SPATA20: variants seen among roughly 807,000 people sequenced by gnomAD.
SPATA20 encodes the protein spermatogenesis-associated protein 20.
Under a neutral mutation model 98.9 loss-of-function variants are expected in SPATA20, and 74 were observed. The ratio of observed to expected loss-of-function variants is 0.75; its 90% CI spans 0.62 to 0.91. SPATA20 has a LOEUF of 0.91. SPATA20 is among the 40% of genes least tolerant of loss of function. The pLI, the probability that SPATA20 is intolerant of heterozygous loss-of-function variation, is 0.00. For synonymous variants in SPATA20, 430 were observed against 440.5 expected (o/e 0.98, Z 0.30); for missense variants, 1,016 against 1,069.8 (o/e 0.95, Z 0.70).
rs1187881765 is a variant in SPATA20 at position 50,548,813 on chromosome 17, G to A, written c.365G>A (p.Gly122Glu). Residue 122 changes from glycine (G) to glutamate (E), a missense_variant, in exon 5 of 17, where the codon GGG (glycine) becomes GAG (glutamate). Gly to Glu is a moderately conservative substitution (Grantham distance 98). Transcript: ENST00000006658. ...CTCTCCCCATGGCCCTGTTCAGTCG[G>A]GTACTCCACCTGCCACTGGTGCCAC... is the stretch of plus-strand genomic sequence containing the variant. ...KENKPIFLSV[G>E]YSTCHWCHMM... 1.3e-5 allele frequency: 21 copies of A among 1,612,184 alleles called. No individual in the cohort carries two copies. Among genetic ancestry groups the A allele is most frequent in the Non-Finnish European group, 1.6e-5 (19 of 1,179,104 alleles).
chr17:50,547,807 CTGTT>C, intron 2 of SPATA20, 40 bp downstream of exon 2: 1 of 816,172 alleles, frequency 1.2e-6, no homozygotes, highest in South Asian at 1.3e-5. Flanking sequence ...CTGGTTTCCT[CTGTT>C]TGTCCCTCAC....
At chr17:50,554,962 G>A (rs1348216052) in intron 15 of SPATA20, among the ~76,000 whole-genome samples, 1 of 151,604 alleles carries the variant, frequency 6.6e-6, no homozygotes, top group Admixed American at 6.6e-5. Flanking sequence ...GGGTCTCTGT[G>A]TGCTCTGGGT....
intron 4 of SPATA20, 22 bp from the exon 5 acceptor site, chr17:50,548,788 C>G: frequency 6.2e-7 from 1 of 1,604,316 alleles, no homozygotes; most frequent in Non-Finnish European, 8.5e-7. Context: ...GCCCCCTGAC[C>G]TCTCCCCATG....
At chr17:50,550,667 G>A in intron 10 of SPATA20, 41 bp from the exon 11 acceptor site, 1 of 1,612,552 alleles carries the variant, frequency 6.2e-7, no homozygotes, top group Non-Finnish European at 8.5e-7. Flanking sequence ...GGCCTCCACT[G>A]CCCTGTGGGC....
In SPATA20 at chr17:50,550,932, G is replaced by T. The variant is rs2035002822; in HGVS notation, c.1383+15G>T. 6.2e-7 allele frequency: 1 copy of T among 1,612,286 alleles called. No individual in the cohort carries two copies. Among genetic ancestry groups the T allele is most frequent in the Non-Finnish European group, 8.5e-7 (1 of 1,179,332 alleles). ...GCCCCAGTCAGGTGAGGACTTCTGG[G>T]GTCACCTGACGGGCCCTGGTGCCTG... On this transcript the variant is annotated intron_variant, in intron 11 of 16. Transcript: ENST00000006658.
chr17:50,551,421 A>T, intron 12 of SPATA20, 90 bp from the exon 13 acceptor site: 1 of 1,421,684 alleles, frequency 7.0e-7, no homozygotes. Flanking sequence ...CCATGGCTCC[A>T]GGGAGGTGTT....
chr17:50,547,486 C>CG (rs2034932228), intron 1 of SPATA20: 2 of 636,636 alleles, frequency 3.1e-6, no homozygotes, highest in Non-Finnish European at 5.7e-6. Context: ...GTCCTCATCC[C>CG]TTCCCTCCTC....
intron 2 of SPATA20, 34 bp downstream of exon 2, chr17:50,547,801 T>C: frequency 1.2e-6 from 1 of 808,080 alleles, no homozygotes; most frequent in Non-Finnish European, 2.3e-6. Flanking sequence ...CCATGTCTGG[T>C]TTCCTCTGTT....
At chr17:50,549,624 C>G (rs879434584) in intron 7 of SPATA20, 137 bp downstream of exon 7, 1 of 849,488 alleles carries the variant, frequency 1.2e-6, no homozygotes, top group Non-Finnish European at 1.8e-6. Context: ...CCTAGCCTGT[C>G]GGTAGCTATC....
rs1462419476 is a variant in SPATA20, at chr17:50,548,945, T to C, written c.497T>C (p.Val166Ala). 6.2e-7 allele frequency: 1 copy of C among 1,614,044 alleles called. No individual in the cohort carries two copies. Among genetic ancestry groups the C allele is most frequent in the East Asian group, 2.2e-5 (1 of 44,874 alleles). ...DREERPDVDK[V>A]YMTFVQATSS... ...GAGGAGCGGCCTGACGTGGACAAGG[T>C]GTACATGACGTTCGTGCAGGTGAGC... Residue 166 changes from valine (V) to alanine (A), a missense_variant, in exon 5 of 17, where the codon GTG becomes GCG. Transcript: ENST00000006658.
chr17:50,555,290 A>G lies in SPATA20; in HGVS notation c.2216A>G (p.His739Arg). 6.2e-7 allele frequency: 1 copy of G among 1,613,712 alleles called. No individual in the cohort carries two copies. The highest frequency in any genetic ancestry group is 2.2e-5 in the East Asian group (1 of 44,858). ...ACCAAGGCCCTGGTGCAGTGCGTCCACTCTGTCTACATTCCTAACAAGGTA... is the reference window on the plus strand; with the variant it reads ...ACCAAGGCCCTGGTGCAGTGCGTCCGCTCTGTCTACATTCCTAACAAGGTA... Reference protein sequence around the residue: ...KDTKALVQCVHSVYIPNKVLI... With the variant: ...KDTKALVQCVRSVYIPNKVLI... Residue 739 changes from histidine to arginine, a missense_variant, in exon 16 of 17, where the codon CAC (histidine) becomes CGC (arginine). By Grantham distance (29) the His-to-Arg change is conservative. Transcript: ENST00000006658.
At chr17:50,549,235 C>A (rs776249347) in intron 6 of SPATA20, 49 bp downstream of exon 6, 4 of 1,597,572 alleles carry the variant, frequency 2.5e-6, no homozygotes, top group Non-Finnish European at 3.4e-6. Flanking sequence ...GACTAGGAAA[C>A]AAGAGCCCCT....
At chr17:50,549,680 A>T (rs1224577093) in intron 7 of SPATA20, among the ~76,000 whole-genome samples, 193 bp downstream of exon 7, 2 of 152,120 alleles carry the variant, frequency 1.3e-5, no homozygotes, top group Admixed American at 1.3e-4. Flanking sequence ...TCTCACCTTA[A>T]CCTAGATGAT....
In SPATA20 at chr17:50,549,089, C is replaced by T. The variant is rs1357424054; in HGVS notation, c.563C>T (p.Pro188Leu). ...TGGCCCATGAATGTGTGGCTGACTCCCAACCTCCAGCCCTTTGTCGGGGGC... is the reference window on the plus strand; with the variant it reads ...TGGCCCATGAATGTGTGGCTGACTCTCAACCTCCAGCCCTTTGTCGGGGGC... Reference protein sequence around the residue: ...GGWPMNVWLTPNLQPFVGGTY... With the variant: ...GGWPMNVWLTLNLQPFVGGTY... Residue 188 changes from proline to leucine, a missense_variant, in exon 6 of 17, where the codon CCC becomes CTC. Physicochemically the swap from Pro to Leu is moderately conservative, Grantham distance 98. Transcript: ENST00000006658. 6.2e-6 allele frequency: 10 copies of T among 1,613,642 alleles called. No individual in the cohort carries two copies. Among genetic ancestry groups the T allele is most frequent in the Admixed American group, 1.7e-5 (1 of 60,022 alleles).
In SPATA20 at chr17:50,549,410, G is replaced by A. The variant is rs750950046; in HGVS notation, c.785G>A (p.Arg262His). The part of the protein sequence containing the change: ...LPPSAATVNN[R>H]CFQQLDEGYD... ...CCCTCTGCCGCCACCGTGAACAATC[G>A]CTGCTTCCAGCAGCTGGATGAGGGC... The change falls in exon 7 of 17, where the codon CGC (arginine) becomes CAC (histidine). Residue 262 changes from arginine to histidine, a missense_variant. Coordinates refer to ENST00000006658, the MANE Select transcript of SPATA20 (RefSeq NM_022827.4). 3.1e-5 allele frequency: 50 copies of A among 1,612,626 alleles called. No homozygotes were observed. In the East Asian group the frequency reaches 8.5e-4, roughly 27 times the overall value.
At position 50,547,215 on chromosome 17, in the gene SPATA20, G is replaced by A. The variant is rs2034926011; in HGVS notation, c.7G>A (p.Gly3Ser). 7.0e-7 allele frequency: 1 copy of A among 1,426,570 alleles called. No individual in the cohort carries two copies. The highest frequency in any genetic ancestry group is 9.1e-7 in the Non-Finnish European group (1 of 1,098,838). 88.4% of individuals were successfully genotyped at this position (1,426,570 alleles called of 1,614,324 possible). A position where few individuals can be genotyped will look rare whatever the true frequency, so the allele number is the denominator to read the frequency against. ...CCCACGGCCCCGAGCAGCCATGCTG[G>A]GCGCGCGGGCCTGGTTGGGCCGCGT... is the stretch of plus-strand genomic sequence containing the variant. ML[G>S]ARAWLGRVLL... Residue 3 changes from glycine to serine, a missense_variant, in exon 1 of 17, where the codon GGC becomes AGC. Coordinates refer to ENST00000006658, the MANE Select transcript of SPATA20 (RefSeq NM_022827.4).
intron 14 of SPATA20, 97 bp downstream of exon 14, chr17:50,552,277 C>T: frequency 1.0e-6 from 1 of 973,120 alleles, no homozygotes; most frequent in Admixed American, 2.7e-5. Flanking sequence ...GGCTTTGTGT[C>T]TCTGCTACTT....
chr17:50,549,669 C>G (rs1033781602), intron 7 of SPATA20, among the ~76,000 whole-genome samples, 182 bp downstream of exon 7: 1 of 152,222 alleles, frequency 6.6e-6, no homozygotes, highest in African/African-American at 2.4e-5. Flanking sequence ...AGCAGTGACC[C>G]TCTCACCTTA....
Position 50,548,436 on chromosome 17 carries a change from C to T in SPATA20, c.279C>T (p.Ala93=), listed in dbSNP as rs1196909495. The part of the protein sequence containing the change: ...HEKSPYLLQH[A]YNPVDWYPWG... ...AGTCACCATACCTCCTACAACATGCCTACAATCCTGTGGACTGGTGAGCAC... is the reference window on the plus strand; with the variant it reads ...AGTCACCATACCTCCTACAACATGCTTACAATCCTGTGGACTGGTGAGCAC... Residue 93 remains alanine, a synonymous_variant, in exon 3 of 17, where the codon GCC becomes GCT. Transcript: ENST00000006658. The T allele has an allele frequency of 6.2e-7, 1 of 1,613,872 alleles. No homozygotes were observed. Among genetic ancestry groups the T allele is most frequent in the African/African-American group, 1.3e-5 (1 of 74,924 alleles).
Sources: allele counts gnomAD v4.1 joint callset (sites outside exome capture counted in the v4.1 genomes callset), GRCh38; gene constraint gnomAD v4.1.1; transcripts MANE v1.5; gene names NCBI Gene and HGNC (gene_info 2026-07-23, HGNC 2026-07-21).